Variants in KBTBD12 observed in about 807,000 individuals in gnomAD.
KBTBD12 encodes the protein kelch repeat and BTB domain-containing protein 12.
KBTBD12 carries 53 observed loss-of-function variants against 58.7 expected under a neutral mutation model. That is an observed-to-expected ratio of 0.90 (90% CI 0.72 to 1.14). The LOEUF (loss-of-function observed/expected upper bound fraction) is 1.14. KBTBD12 is among the 50% of genes most tolerant of loss of function. The probability of loss-of-function intolerance (pLI) is 0.00; values close to 1 mark genes in which losing one functional copy is unlikely to be tolerated. For missense variants in KBTBD12, 704 were observed against 751.3 expected, an observed-to-expected ratio of 0.94 and a Z score of 0.74; for synonymous variants, 236 against 259.8, an observed-to-expected ratio of 0.91 and a Z score of 0.88.
intron 5 of KBTBD12, among the ~76,000 whole-genome samples, chr3:127,973,181 G>T (rs1341929149): frequency 6.6e-6 from 1 of 152,070 alleles, no homozygotes; most frequent in East Asian, 1.9e-4. Flanking sequence ...TACTTAACTT[G>T]TGTCCAGTCA....
At chr3:127,932,759 A>G (rs1379011031) in intron 4 of KBTBD12, among the ~76,000 whole-genome samples, 1 of 152,166 alleles carries the variant, frequency 6.6e-6, no homozygotes, top group Admixed American at 6.6e-5. Flanking sequence ...TCTTTGAGAT[A>G]TTAAGATAAT....
chr3:127,958,775 C>G (rs919166174), intron 4 of KBTBD12, among the ~76,000 whole-genome samples: 1 of 152,060 alleles, frequency 6.6e-6, no homozygotes, highest in African/African-American at 2.4e-5. Context: ...GGGTAGCAAA[C>G]AAAAAGCAGA....
At chr3:127,954,640 A>G (rs1940281606) in intron 4 of KBTBD12, among the ~76,000 whole-genome samples, 2 of 152,212 alleles carry the variant, frequency 1.3e-5, no homozygotes, top group African/African-American at 2.4e-5. Flanking sequence ...CTTCAGCTTG[A>G]TGGGTCAGGC....
chr3:127,931,097 C>G (rs1939690317), intron 4 of KBTBD12, among the ~76,000 whole-genome samples: 1 of 151,926 alleles, frequency 6.6e-6, no homozygotes, highest in African/African-American at 2.4e-5. Flanking sequence ...GCATTGATGG[C>G]TAACAGGAAA....
intron 4 of KBTBD12, among the ~76,000 whole-genome samples, chr3:127,931,615 A>G (rs1209569236): frequency 6.6e-6 from 1 of 152,152 alleles, no homozygotes; most frequent in Non-Finnish European, 1.5e-5. Context: ...ACGAGGCTAG[A>G]TGTGGAATTT....
chr3:127,967,675 T>C (rs1940602808), intron 5 of KBTBD12, among the ~76,000 whole-genome samples: 1 of 152,172 alleles, frequency 6.6e-6, no homozygotes. Context: ...AACAACTGTT[T>C]TTAAGGAATA....
At chr3:127,930,730 A>C (rs1035415187) in intron 4 of KBTBD12, among the ~76,000 whole-genome samples, 3 of 152,154 alleles carry the variant, frequency 2.0e-5, no homozygotes, top group African/African-American at 7.2e-5. Context: ...ATTTCTAGAG[A>C]GGTGTTATCA....
At chr3:127,942,941 T>C (rs1939989167) in intron 4 of KBTBD12, among the ~76,000 whole-genome samples, 1 of 152,092 alleles carries the variant, frequency 6.6e-6, no homozygotes, top group African/African-American at 2.4e-5. Context: ...GCTGGCTTTA[T>C]AACAACAGAC....
intron 4 of KBTBD12, among the ~76,000 whole-genome samples, chr3:127,937,454 G>A (rs1231528290): frequency 6.6e-6 from 1 of 152,108 alleles, no homozygotes; most frequent in Non-Finnish European, 1.5e-5. Context: ...AAATTAGTGA[G>A]TAGAAGAAAG....
rs575379652 is a variant in KBTBD12, at chr3:127,963,095, A to G, written c.1493-94A>G. 9.5e-5 allele frequency: 109 copies of G among 1,147,990 alleles called. No homozygotes were observed. The African/African-American group carries it at 1.5e-3, about 16-fold the overall frequency. The allele number at this position is 1,147,990 out of a possible 1,614,324, so 71.1% of individuals were successfully genotyped here. On this transcript the variant is annotated intron_variant, in intron 4 of 5. Coordinates refer to ENST00000405109, the MANE Select transcript of KBTBD12 (RefSeq NM_207335.4). The stretch of plus-strand genomic sequence containing the variant: ...CAAGAAAGAGAAAAGTTACAGTCCC[A>G]TAAACCTTTGATACAAACCATGCAG...
At chr3:127,945,384 C>A (rs1489245692) in intron 4 of KBTBD12, among the ~76,000 whole-genome samples, 3 of 151,082 alleles carry the variant, frequency 2.0e-5, no homozygotes, top group African/African-American at 7.3e-5. Flanking sequence ...CAGGGTTTCA[C>A]CCTGTTAGCC....
intron 4 of KBTBD12, among the ~76,000 whole-genome samples, chr3:127,959,417 C>T (rs1314236889): frequency 6.6e-6 from 1 of 152,222 alleles, no homozygotes; most frequent in East Asian, 1.9e-4. Context: ...AGCCCTTTGG[C>T]CTTCTGAATC....
chr3:127,942,811 A>T (rs1194478291), intron 4 of KBTBD12, among the ~76,000 whole-genome samples: 2 of 151,894 alleles, frequency 1.3e-5, no homozygotes, highest in African/African-American at 4.8e-5. Flanking sequence ...GGTTCTGCAG[A>T]CTGGGAAGTT....
chr3:127,920,156 G>T (rs1260686634), intron 1 of KBTBD12, among the ~76,000 whole-genome samples: 6 of 152,100 alleles, frequency 3.9e-5, no homozygotes, highest in African/African-American at 1.4e-4. Flanking sequence ...CAAGCTTACA[G>T]AAAAGTTCCA....
intron 4 of KBTBD12, among the ~76,000 whole-genome samples, chr3:127,951,983 C>T (rs1056179253): frequency 5.3e-5 from 8 of 152,166 alleles, no homozygotes; most frequent in African/African-American, 1.7e-4. Flanking sequence ...ATGAAAGATT[C>T]TATATAGTTA....
chr3:127,948,391 C>T (rs1309874536), intron 4 of KBTBD12, among the ~76,000 whole-genome samples: 2 of 152,246 alleles, frequency 1.3e-5, no homozygotes, highest in East Asian at 3.8e-4. Flanking sequence ...TGGCCCCGTA[C>T]TCTCTGGTAC....
intron 1 of KBTBD12, among the ~76,000 whole-genome samples, chr3:127,917,979 T>G (rs191801809): frequency 1.6e-4 from 24 of 151,600 alleles, no homozygotes; most frequent in Non-Finnish European, 3.4e-4. Flanking sequence ...GGAGGCCAGG[T>G]CAGGAGGATT....
At position 127,928,129 on chromosome 3, in the gene KBTBD12, T is replaced by C. The variant is rs1939620824; in HGVS notation, c.1341+95T>C. The C allele has an allele frequency of 3.7e-6, 4 of 1,093,402 alleles. No individual in the cohort carries two copies. In the East Asian group the frequency reaches 9.8e-5, roughly 27 times the overall value. The allele number at this position is 1,093,402 out of a possible 1,614,324, so 67.7% of individuals were successfully genotyped here. ...GTAGTTGTTGAATGCTAAAAGAGTG[T>C]GACTTACATTTTGGTAAAATGCTTT... On this transcript the variant is annotated intron_variant, in intron 3 of 5. Coordinates refer to ENST00000405109, the MANE Select transcript of KBTBD12 (RefSeq NM_207335.4).
chr3:127,922,895 C>G, intron 1 of KBTBD12, 55 bp from the exon 2 acceptor site: 1 of 545,396 alleles, frequency 1.8e-6, no homozygotes, highest in Non-Finnish European at 3.3e-6. Flanking sequence ...TGCTGCATAT[C>G]TAAATTATAG....
Sources: allele counts gnomAD v4.1 joint callset (sites outside exome capture counted in the v4.1 genomes callset), GRCh38; gene constraint gnomAD v4.1.1; transcripts MANE v1.5; gene names NCBI Gene and HGNC (gene_info 2026-07-23, HGNC 2026-07-21).